HS2ST1: variants seen among roughly 807,000 people sequenced by gnomAD.
HS2ST1 encodes the protein 2-O-sulfotransferase.
In HS2ST1, 18 loss-of-function variants were observed where a neutral mutation model predicts 42.9. That is an observed-to-expected ratio of 0.42 (90% CI 0.29 to 0.62). The LOEUF (loss-of-function observed/expected upper bound fraction) is 0.62. Among genes scored for constraint, HS2ST1 ranks in the 20% least tolerant of loss-of-function variants. The pLI is 0.21. For synonymous variants in HS2ST1, 146 were observed against 152.9 expected (o/e 0.95, Z 0.33); for missense variants, 334 against 433.8 (o/e 0.77, Z 2.04).
chr1:87,084,508 TTTA>T (rs933290059), intron 3 of HS2ST1, among the ~76,000 whole-genome samples: 43 of 152,050 alleles, frequency 2.8e-4, no homozygotes, highest in African/African-American at 9.9e-4. Context: ...CTCTTTAAAG[TTTA>T]TTATTATTGT....
chr1:87,086,293 A>G (rs969388248), intron 3 of HS2ST1, among the ~76,000 whole-genome samples: 1 of 152,146 alleles, frequency 6.6e-6, no homozygotes, highest in Non-Finnish European at 1.5e-5. Context: ...CGAATTTGAA[A>G]GTCACCCCTT....
intron 1 of HS2ST1, among the ~76,000 whole-genome samples, chr1:86,982,108 G>A (rs892030437): frequency 6.6e-6 from 1 of 152,218 alleles, no homozygotes; most frequent in Non-Finnish European, 1.5e-5. Flanking sequence ...TGAAGCAACG[G>A]CCTAAGCTGT....
At chr1:86,920,438 G>A (rs1198768674) in intron 1 of HS2ST1, among the ~76,000 whole-genome samples, 1 of 152,132 alleles carries the variant, frequency 6.6e-6, no homozygotes, top group Non-Finnish European at 1.5e-5. Context: ...AAACCTCATA[G>A]TAGCTACTGT....
intron 1 of HS2ST1, among the ~76,000 whole-genome samples, chr1:86,997,731 A>G (rs1227644272): frequency 1.3e-5 from 2 of 152,300 alleles, no homozygotes; most frequent in East Asian, 3.9e-4. Flanking sequence ...GTGTCAGTTA[A>G]TCTGATAAAA....
At chr1:86,987,329 C>T (rs561675915) in intron 1 of HS2ST1, among the ~76,000 whole-genome samples, 2 of 152,076 alleles carry the variant, frequency 1.3e-5, no homozygotes, top group East Asian at 3.9e-4. Flanking sequence ...ATGCCTCGGC[C>T]CCCCAAAGTG....
chr1:87,108,068 T>C lies in HS2ST1; in HGVS notation c.*3372T>C, dbSNP rs773713578. The C allele has an allele frequency of 1.7e-4, 26 of 152,114 alleles. No individual in the cohort carries two copies. The highest frequency in any genetic ancestry group is 3.2e-4 in the Non-Finnish European group (22 of 67,944). 9.4% of individuals were successfully genotyped at this position (152,114 alleles called of 1,614,324 possible). On this transcript the variant is annotated 3_prime_UTR_variant, in exon 7 of 7. Coordinates refer to ENST00000370550, the MANE Select transcript of HS2ST1 (RefSeq NM_012262.4). ...TGTGTCCTATTGGAAATTCCTCAAA[T>C]CGTTGGTGCCATCAGTGATTTACAA...
intron 1 of HS2ST1, among the ~76,000 whole-genome samples, chr1:87,052,495 T>C (rs757265012): frequency 1.3e-5 from 2 of 152,230 alleles, no homozygotes; most frequent in Non-Finnish European, 2.9e-5. Flanking sequence ...TCAGAATTAA[T>C]TAATGTTGCA....
intron 3 of HS2ST1, among the ~76,000 whole-genome samples, chr1:87,090,173 G>A (rs1461493606): frequency 6.6e-6 from 1 of 151,950 alleles, no homozygotes; most frequent in Non-Finnish European, 1.5e-5. Context: ...TCTCTGGCAG[G>A]AAGGCTTTTG....
Position 87,107,818 on chromosome 1 carries a change from A to G in HS2ST1, c.*3122A>G, listed in dbSNP as rs1417216769. On this transcript the variant is annotated 3_prime_UTR_variant, in exon 7 of 7. Coordinates refer to ENST00000370550, the MANE Select transcript of HS2ST1 (RefSeq NM_012262.4). The stretch of plus-strand genomic sequence containing the variant: ...TGATTTTACCCAGCTTAATCTGTAA[A>G]GTAGCACTTAAATATATCTGATAGC... 3 of 152,060 alleles carry G rather than the reference A, an allele frequency of 2.0e-5. No homozygotes were observed. Among genetic ancestry groups the G allele is most frequent in the Non-Finnish European group, 4.4e-5 (3 of 67,934 alleles). 9.4% of individuals were successfully genotyped at this position (152,060 alleles called of 1,614,324 possible).
At chr1:87,001,278 C>T (rs1470684058) in intron 1 of HS2ST1, among the ~76,000 whole-genome samples, 1 of 152,078 alleles carries the variant, frequency 6.6e-6, no homozygotes, top group Non-Finnish European at 1.5e-5. Context: ...TCCTATCTCC[C>T]CAAAATACCA....
chr1:87,078,150 G>T (rs972553567), intron 2 of HS2ST1, among the ~76,000 whole-genome samples: 1 of 152,100 alleles, frequency 6.6e-6, no homozygotes, highest in Non-Finnish European at 1.5e-5. Context: ...TTACAGAGTT[G>T]GAATTTGGCC....
In HS2ST1 at chr1:87,103,552, C is replaced by T. The variant is rs748533325; in HGVS notation, c.807C>T (p.Pro269=). 7 of 1,611,146 alleles carry T rather than the reference C, an allele frequency of 4.3e-6. No homozygotes were observed. The highest frequency in any genetic ancestry group is 4.2e-6 in the Non-Finnish European group (5 of 1,178,820). ...DFIMLLEAAL[P]RFFRGATELY... ...TCATGTTATTGGAGGCAGCATTGCC[C>T]CGGTTTTTCAGGGGTGCTACTGAAC... The change falls in exon 6 of 7, where the codon CCC becomes CCT. Residue 269 remains proline, a synonymous_variant. Transcript: ENST00000370550.
chr1:87,092,999 A>G (rs946351456), intron 4 of HS2ST1, among the ~76,000 whole-genome samples: 11 of 151,940 alleles, frequency 7.2e-5, no homozygotes, highest in African/African-American at 2.7e-4. Context: ...CTAAGTATTG[A>G]TGGCAGTTTA....
At chr1:86,977,368 C>T (rs909418737) in intron 1 of HS2ST1, among the ~76,000 whole-genome samples, 2 of 152,178 alleles carry the variant, frequency 1.3e-5, no homozygotes, top group African/African-American at 4.8e-5. Context: ...CTTTCAGAGG[C>T]ACGCACAAGG....
At chr1:87,089,556 A>C (rs2100648058) in intron 3 of HS2ST1, among the ~76,000 whole-genome samples, 1 of 152,202 alleles carries the variant, frequency 6.6e-6, no homozygotes, top group Middle Eastern at 3.4e-3. Context: ...GCTGGTTGGC[A>C]AAAGAGTAAA....
chr1:86,952,221 CA>C lies in HS2ST1; in HGVS notation c.124+37065del, dbSNP rs1570441906. 9.9e-5 allele frequency among the ~76,000 whole-genome samples: 15 copies of C among 152,220 alleles called. No homozygotes were observed. In the East Asian group the frequency reaches 2.9e-3, roughly 29 times the overall value. ...ACTGTCCGTGGCAGCTATAGCCTTA[CA>C]AAATGTTTTTCTTAAATAATAAATA... On this transcript the variant is annotated intron_variant, in intron 1 of 6. Coordinates refer to ENST00000370550, the MANE Select transcript of HS2ST1 (RefSeq NM_012262.4).
chr1:87,089,994 G>A (rs538167785), intron 3 of HS2ST1, among the ~76,000 whole-genome samples: 1 of 152,116 alleles, frequency 6.6e-6, no homozygotes, highest in African/African-American at 2.4e-5. Flanking sequence ...GCTAATAATG[G>A]AGAGGATAGA....
At chr1:86,941,120 G>A (rs910297779) in intron 1 of HS2ST1, among the ~76,000 whole-genome samples, 32 of 152,304 alleles carry the variant, frequency 2.1e-4, no homozygotes, top group Middle Eastern at 3.4e-3. Flanking sequence ...AAGCATCTTC[G>A]TGAATAGTTA....
intron 1 of HS2ST1, among the ~76,000 whole-genome samples, chr1:86,930,945 G>A (rs925600035): frequency 2.0e-5 from 3 of 151,998 alleles, no homozygotes; most frequent in South Asian, 4.1e-4. Context: ...AGTATGTTGT[G>A]TGAGTACTTT....
Sources: allele counts gnomAD v4.1 joint callset (sites outside exome capture counted in the v4.1 genomes callset), GRCh38; gene constraint gnomAD v4.1.1; transcripts MANE v1.5; gene names NCBI Gene and HGNC (gene_info 2026-07-23, HGNC 2026-07-21).